The following CDYL2 variants were observed in gnomAD, a reference collection of about 807,000 sequenced individuals.
CDYL2 encodes the protein chromodomain Y-like protein 2.
CDYL2 carries 23 observed loss-of-function variants against 49.4 expected under a neutral mutation model. The ratio of observed to expected loss-of-function variants is 0.47; its 90% CI spans 0.34 to 0.66. The LOEUF is 0.66. CDYL2 is among the 30% of genes least tolerant of loss of function. The pLI, the probability that CDYL2 is intolerant of heterozygous loss-of-function variation, is 0.01. For missense variants in CDYL2, 678 were observed against 656.4 expected, an observed-to-expected ratio of 1.03 and a Z score of -0.36; for synonymous variants, 360 against 268.8, an observed-to-expected ratio of 1.34 and a Z score of -3.32.
chr16:80,748,360 A>C (rs1466882442), intron 1 of CDYL2, among the ~76,000 whole-genome samples: 1 of 149,528 alleles, frequency 6.7e-6, no homozygotes, highest in African/African-American at 2.4e-5. Context: ...CCCCATCTCT[A>C]CTAAAAATAT....
At chr16:80,726,426 A>C (rs1294649949) in intron 1 of CDYL2, among the ~76,000 whole-genome samples, 2 of 152,248 alleles carry the variant, frequency 1.3e-5, no homozygotes, top group East Asian at 3.8e-4. Context: ...ATTCTGAAAA[A>C]AATTTCTAAT....
rs1910121453 is a variant in CDYL2 at position 80,684,865 on chromosome 16, C to G, written c.289G>C (p.Gly97Arg). 2 of 1,614,076 alleles carry G rather than the reference C, an allele frequency of 1.2e-6. No homozygotes were observed. Among genetic ancestry groups the G allele is most frequent in the Non-Finnish European group, 1.7e-6 (2 of 1,180,056 alleles). ...TTATGGGAGGTCCCCTTGCTCTTTC[C>G]AGGATCTGAAGGTCTGTGGGACAGT... ...EKLSHRPSDP[G>R]KSKGTSHKRK... is the part of the protein sequence containing the mutation. The change falls in exon 2 of 7, where the codon GGA becomes CGA. Residue 97 changes from glycine (G) to arginine (R), a missense_variant. Physicochemically the swap from Gly to Arg is moderately radical, Grantham distance 125. Coordinates refer to ENST00000570137, the MANE Select transcript of CDYL2 (RefSeq NM_152342.4).
intron 2 of CDYL2, among the ~76,000 whole-genome samples, chr16:80,667,433 T>C (rs557702020): frequency 5.9e-5 from 9 of 152,302 alleles, no homozygotes; most frequent in Admixed American, 2.0e-4. Context: ...TCCTCAGTCA[T>C]TTCGGCTCAT....
intron 3 of CDYL2, among the ~76,000 whole-genome samples, chr16:80,626,956 C>T (rs1382597354): frequency 1.3e-5 from 2 of 152,104 alleles, no homozygotes; most frequent in East Asian, 3.9e-4. Flanking sequence ...TCCAAGGTCA[C>T]ACCAACAGTA....
In CDYL2 at chr16:80,765,486, G is replaced by C. The variant is rs144742473; in HGVS notation, c.24+38664C>G. Among the ~76,000 whole-genome samples the C allele has an allele frequency of 1.4e-3, 206 of 151,868 alleles. 1 individual carries two copies. The highest frequency in any genetic ancestry group is 4.4e-3 in the African/African-American group (183 of 41,476). Reference sequence around the variant, plus strand: ...GCAATTATACCCCCAATTAAAAAATGATAGGTACACTGGAAAACAGCCTGG... The same window carrying C: ...GCAATTATACCCCCAATTAAAAAATCATAGGTACACTGGAAAACAGCCTGG... On this transcript the variant is annotated intron_variant, in intron 1 of 6. Coordinates refer to ENST00000570137, the MANE Select transcript of CDYL2 (RefSeq NM_152342.4).
At chr16:80,738,114 G>C (rs1905601798) in intron 1 of CDYL2, among the ~76,000 whole-genome samples, 3 of 151,744 alleles carry the variant, frequency 2.0e-5, no homozygotes, top group Non-Finnish European at 4.4e-5. Flanking sequence ...AGAACATGCA[G>C]TGTTTGGTTT....
chr16:80,609,797 T>C (rs1241750508), intron 5 of CDYL2, among the ~76,000 whole-genome samples: 1 of 151,912 alleles, frequency 6.6e-6, no homozygotes, highest in South Asian at 2.1e-4. Context: ...GCCTAAGGAT[T>C]CAGAGAGAAA....
chr16:80,605,293 AAC>A (rs1471132634), intron 6 of CDYL2, among the ~76,000 whole-genome samples: 4 of 149,310 alleles, frequency 2.7e-5, no homozygotes, highest in South Asian at 4.2e-4. Context: ...TATACGTATA[AAC>A]ACATATGTAT....
chr16:80,706,002 T>G (rs963085415), intron 1 of CDYL2, among the ~76,000 whole-genome samples: 1 of 152,224 alleles, frequency 6.6e-6, no homozygotes, highest in African/African-American at 2.4e-5. Flanking sequence ...TCCAAGGCAG[T>G]AGAGGGGTGT....
At chr16:80,608,061 G>C in intron 6 of CDYL2, 31 bp downstream of exon 6, 3 of 1,537,492 alleles carry the variant, frequency 2.0e-6, no homozygotes, top group Admixed American at 2.0e-5. Flanking sequence ...TCTATCAAAA[G>C]GACAAGCACG....
chr16:80,790,298 TAAAG>T (rs138852924), intron 1 of CDYL2, among the ~76,000 whole-genome samples: 3,248 of 152,082 alleles, frequency 0.021, 102 homozygotes, highest in African/African-American at 0.071. Context: ...GGTAATAAAA[TAAAG>T]AAATACCTAA....
chr16:80,747,854 C>G (rs1281530699), intron 1 of CDYL2, among the ~76,000 whole-genome samples: 1 of 152,120 alleles, frequency 6.6e-6, no homozygotes, highest in South Asian at 2.1e-4. Context: ...TGGAACCCTT[C>G]CTACCTCTGC....
intron 2 of CDYL2, among the ~76,000 whole-genome samples, chr16:80,641,885 C>G (rs1396922796): frequency 6.7e-6 from 1 of 149,520 alleles, no homozygotes; most frequent in Non-Finnish European, 1.5e-5. Context: ...TACCCTAAAA[C>G]TTAAAGTATA....
intron 1 of CDYL2, among the ~76,000 whole-genome samples, chr16:80,700,250 C>G (rs1904293865): frequency 6.6e-6 from 1 of 152,266 alleles, no homozygotes; most frequent in African/African-American, 2.4e-5. Context: ...AATCTAAGAA[C>G]ATATCAAACA....
chr16:80,689,178 G>C (rs1278401988), intron 1 of CDYL2, among the ~76,000 whole-genome samples: 9 of 152,320 alleles, frequency 5.9e-5, no homozygotes, highest in African/African-American at 1.7e-4. Context: ...CTATTCCTCA[G>C]AGTTCAATCA....
At chr16:80,790,792 G>C (rs868138264) in intron 1 of CDYL2, among the ~76,000 whole-genome samples, 4 of 152,182 alleles carry the variant, frequency 2.6e-5, no homozygotes, top group Admixed American at 6.5e-5. Context: ...CACCAGGAGA[G>C]CTAAACAAGA....
rs114082522 is a variant in CDYL2 at position 80,734,783 on chromosome 16, T to C, written c.25-49654A>G. 9.7e-3 allele frequency among the ~76,000 whole-genome samples: 1,478 copies of C among 152,266 alleles called. 33 individuals carry two copies. Among genetic ancestry groups the C allele is most frequent in the African/African-American group, 0.033 (1,385 of 41,548 alleles). On this transcript the variant is annotated intron_variant, in intron 1 of 6. Coordinates refer to ENST00000570137, the MANE Select transcript of CDYL2 (RefSeq NM_152342.4). The stretch of plus-strand genomic sequence containing the variant: ...GATCACTGCCACATACTATTACACA[T>C]TCCCTCTAGAACTGGTTCCTAATTT...
chr16:80,628,013 T>G (rs8059118), intron 3 of CDYL2: 150,400 of 152,336 alleles, frequency 0.99, 74,248 homozygotes, highest in East Asian at 1. Context: ...GTCCTTCTCT[T>G]TATACTTCAT....
intron 2 of CDYL2, among the ~76,000 whole-genome samples, chr16:80,661,336 C>A (rs1218768981): frequency 6.6e-6 from 1 of 152,170 alleles, no homozygotes; most frequent in Non-Finnish European, 1.5e-5. Flanking sequence ...TCTACACCTG[C>A]CCCCACAACA....
Sources: allele counts gnomAD v4.1 joint callset (sites outside exome capture counted in the v4.1 genomes callset), GRCh38; gene constraint gnomAD v4.1.1; transcripts MANE v1.5; gene names NCBI Gene and HGNC (gene_info 2026-07-23, HGNC 2026-07-21).